Variants in DCUN1D5 observed in about 807,000 individuals in gnomAD.
The protein encoded by DCUN1D5 is DCN1-like protein 5.
In DCUN1D5, 10 loss-of-function variants were observed where a neutral mutation model predicts 38.3. The ratio of observed to expected loss-of-function variants is 0.26; its 90% confidence interval spans 0.16 to 0.44. The LOEUF (loss-of-function observed/expected upper bound fraction) is 0.44. Among genes scored for constraint, DCUN1D5 ranks in the 20% least tolerant of loss-of-function variants. The probability of loss-of-function intolerance (pLI) is 1.00; values close to 1 mark genes in which losing one functional copy is unlikely to be tolerated. For synonymous variants in DCUN1D5, 93 were observed against 90.9 expected, an observed-to-expected ratio of 1.02 and a Z score of -0.13; for missense variants, 148 against 275.3, an observed-to-expected ratio of 0.54 and a Z score of 3.27.
Position 103,050,786 on chromosome 11 carries a change from A to G in DCUN1D5, c.*11573T>C, listed in dbSNP as rs1861706771. 1.3e-5 allele frequency: 2 copies of G among 152,240 alleles called. No individual in the cohort carries two copies. The highest frequency in any genetic ancestry group is 2.9e-5 in the Non-Finnish European group (2 of 68,048). 9.4% of individuals were successfully genotyped at this position (152,240 alleles called of 1,614,324 possible). ...GGATAGTTCTGAGTACTGGTGAAAT[A>G]AAAGCAAAAACACACAGTCCCTGCT... On this transcript the variant is annotated 3_prime_UTR_variant, in exon 8 of 8. Transcript: ENST00000260247.
Position 103,071,929 on chromosome 11 carries a change from GC to G in DCUN1D5, c.342-5363del, listed in dbSNP as rs1307971247. On this transcript the variant is annotated intron_variant, in intron 4 of 7. Coordinates refer to ENST00000260247, the MANE Select transcript of DCUN1D5 (RefSeq NM_032299.4). This position sits in a 1 kb window ranked among gnomAD's most constrained non-coding sequence, Gnocchi z 4.1. Reference sequence around the variant, plus strand: ...AAAAAAGAAAAATTTATTTAATAAAGCCAGTATTACTTGATACCAAAACCAG... The same window carrying G: ...AAAAAAGAAAAATTTATTTAATAAAGCAGTATTACTTGATACCAAAACCAG... Among the ~76,000 whole-genome samples, 7 of 150,604 alleles carry G rather than the reference GC, an allele frequency of 4.6e-5. No homozygotes were observed. The highest frequency in any genetic ancestry group is 1.0e-4 in the Non-Finnish European group (7 of 67,668).
chr11:103,090,480 A>C (rs1389116852), intron 1 of DCUN1D5, among the ~76,000 whole-genome samples: 2 of 152,214 alleles, frequency 1.3e-5, no homozygotes, highest in Non-Finnish European at 2.9e-5. Context: ...GTTTAAGCAG[A>C]TCTCTCTTTA....
rs943529243 is a variant in DCUN1D5 at position 103,052,271 on chromosome 11, T to C, written c.*10088A>G. The C allele has an allele frequency of 1.3e-5, 2 of 152,186 alleles. No individual in the cohort carries two copies. Among genetic ancestry groups the C allele is most frequent in the Non-Finnish European group, 2.9e-5 (2 of 68,028 alleles). The allele number at this position is 152,186 out of a possible 1,614,324, so 9.4% of individuals were successfully genotyped here. A position where few individuals can be genotyped will look rare whatever the true frequency, so the allele number is the denominator to read the frequency against. ...TGGATATGTAAACGTTTTACAGACATATGTGTACAATTGGTCATTCATTCA... is the reference window on the plus strand; with the variant it reads ...TGGATATGTAAACGTTTTACAGACACATGTGTACAATTGGTCATTCATTCA... On this transcript the variant is annotated 3_prime_UTR_variant, in exon 8 of 8. Coordinates refer to ENST00000260247, the MANE Select transcript of DCUN1D5 (RefSeq NM_032299.4).
Position 103,064,388 on chromosome 11 carries a change from G to A in DCUN1D5, c.556-11C>T. On this transcript the variant is annotated splice_polypyrimidine_tract_variant and intron_variant, in intron 6 of 7. Coordinates refer to ENST00000260247, the MANE Select transcript of DCUN1D5 (RefSeq NM_032299.4). The surrounding 1 kb of genome is among the most constrained non-coding windows in gnomAD (Gnocchi z 4.5). ...ACGATACTTTGATTGCTGCAAAAAT[G>A]ATTTAAATATTTGTATTTAAATATT... 4 of 1,561,012 alleles carry A rather than the reference G, an allele frequency of 2.6e-6. No homozygotes were observed. In the South Asian group the frequency reaches 4.8e-5, roughly 19 times the overall value.
At chr11:103,081,087 G>C (rs777725740) in intron 4 of DCUN1D5, among the ~76,000 whole-genome samples, 8 of 151,334 alleles carry the variant, frequency 5.3e-5, no homozygotes, top group South Asian at 2.1e-4. Context: ...TTATTCAGAA[G>C]TATATATTAG....
At chr11:103,070,686 A>G (rs1163792938) in intron 4 of DCUN1D5, among the ~76,000 whole-genome samples, 1 of 152,204 alleles carries the variant, frequency 6.6e-6, no homozygotes, top group East Asian at 1.9e-4. Context: ...ATAGAATTCA[A>G]CGAACACAGA....
intron 4 of DCUN1D5, among the ~76,000 whole-genome samples, chr11:103,067,950 A>C (rs1862174559): frequency 6.6e-6 from 1 of 152,154 alleles, no homozygotes; most frequent in Non-Finnish European, 1.5e-5. Context: ...CCCTGGAATT[A>C]GCATCTGTCC....
At chr11:103,089,944 T>C (rs930599548) in intron 1 of DCUN1D5, among the ~76,000 whole-genome samples, 2 of 151,152 alleles carry the variant, frequency 1.3e-5, no homozygotes, top group African/African-American at 4.9e-5. Flanking sequence ...ATTTCATTTT[T>C]TTCATAAAAT....
intron 4 of DCUN1D5, among the ~76,000 whole-genome samples, chr11:103,074,837 G>T (rs1030072313): frequency 2.0e-5 from 3 of 152,168 alleles, no homozygotes; most frequent in African/African-American, 4.8e-5. Flanking sequence ...ATCTTAAAGG[G>T]TCTGATTCTC....
At chr11:103,089,689 T>G (rs1316828436) in intron 1 of DCUN1D5, among the ~76,000 whole-genome samples, 1 of 152,150 alleles carries the variant, frequency 6.6e-6, no homozygotes, top group Non-Finnish European at 1.5e-5. Flanking sequence ...AGATAAATAT[T>G]TGAAAACAAA....
At chr11:103,088,003 G>A (rs973031280) in intron 2 of DCUN1D5, among the ~76,000 whole-genome samples, 2 of 152,020 alleles carry the variant, frequency 1.3e-5, no homozygotes, top group East Asian at 3.9e-4. Flanking sequence ...ATTTAAATTG[G>A]GTTAGTGGTT....
chr11:103,055,122 A>C lies in DCUN1D5; in HGVS notation c.*7237T>G, dbSNP rs1861842138. 1 of 152,132 alleles carries C rather than the reference A, an allele frequency of 6.6e-6. No individual in the cohort carries two copies. The allele number at this position is 152,132 out of a possible 1,614,324, so 9.4% of individuals were successfully genotyped here. ...ACTTTTTACACATAGCCTGCAGCTA[A>C]TTTTATTTTTCTCTTGGGAACAGAG... is the stretch of plus-strand genomic sequence containing the variant. On this transcript the variant is annotated 3_prime_UTR_variant, in exon 8 of 8. Coordinates refer to ENST00000260247, the MANE Select transcript of DCUN1D5 (RefSeq NM_032299.4).
At position 103,066,062 on chromosome 11, in the gene DCUN1D5, G is replaced by A. The variant is rs1015794827; in HGVS notation, c.555+207C>T. ...TTTCTTTTATTTGGGGGACTGGGGG[G>A]GTAGGATTGAAAATATCTTAGGTAC... On this transcript the variant is annotated intron_variant, in intron 6 of 7. Coordinates refer to ENST00000260247, the MANE Select transcript of DCUN1D5 (RefSeq NM_032299.4). This position sits in a 1 kb window ranked among gnomAD's most constrained non-coding sequence, Gnocchi z 4.7. Among the ~76,000 whole-genome samples the A allele has an allele frequency of 6.6e-6, 1 of 150,712 alleles. No homozygotes were observed. Among genetic ancestry groups the A allele is most frequent in the Admixed American group, 6.6e-5 (1 of 15,130 alleles).
chr11:103,059,735 T>C lies in DCUN1D5; in HGVS notation c.*2624A>G, dbSNP rs894973590. 3.3e-5 allele frequency among the ~76,000 whole-genome samples: 3 copies of C among 90,220 alleles called. No homozygotes were observed. Among genetic ancestry groups the C allele is most frequent in the East Asian group, 3.6e-4 (1 of 2,758 alleles). 59.2% of individuals were successfully genotyped at this position (90,220 alleles called of 152,430 possible). ...TAACATCATACCTTATTAAGAATTA[T>C]TGGCCCCGAGGAGTGGGGGGGTGGG... On this transcript the variant is annotated 3_prime_UTR_variant, in exon 8 of 8. Transcript: ENST00000260247.
At chr11:103,080,390 T>G (rs1862528285) in intron 4 of DCUN1D5, among the ~76,000 whole-genome samples, 2 of 152,202 alleles carry the variant, frequency 1.3e-5, no homozygotes, top group South Asian at 4.1e-4. Context: ...CTTCCTTGGT[T>G]TAAATTTCAA....
intron 4 of DCUN1D5, among the ~76,000 whole-genome samples, chr11:103,080,520 A>G (rs1279761615): frequency 6.6e-6 from 1 of 151,994 alleles, no homozygotes; most frequent in East Asian, 1.9e-4. Context: ...AAAAAAATCA[A>G]CGATTTTCCA....
At chr11:103,089,169 A>G (rs1169857817) in intron 2 of DCUN1D5, 58 bp downstream of exon 2, 1 of 1,523,466 alleles carries the variant, frequency 6.6e-7, no homozygotes, top group African/African-American at 1.4e-5. Flanking sequence ...TTAAATGAAT[A>G]AGGCAAATAA....
chr11:103,087,830 T>C lies in DCUN1D5; in HGVS notation c.178+1397A>G, dbSNP rs1327153985. Among the ~76,000 whole-genome samples, 1 of 152,224 alleles carries C rather than the reference T, an allele frequency of 6.6e-6. No individual in the cohort carries two copies. Among genetic ancestry groups the C allele is most frequent in the Admixed American group, 6.5e-5 (1 of 15,282 alleles). Reference sequence around the variant, plus strand: ...ATCTTACACTACCTAGGAAAGTTCCTAGTTGAGGCAAATATTTTCTATTTC... The same window carrying C: ...ATCTTACACTACCTAGGAAAGTTCCCAGTTGAGGCAAATATTTTCTATTTC... On this transcript the variant is annotated intron_variant, in intron 2 of 7. Coordinates refer to ENST00000260247, the MANE Select transcript of DCUN1D5 (RefSeq NM_032299.4). This position sits in a 1 kb window ranked among gnomAD's most constrained non-coding sequence, Gnocchi z 4.1.
rs1862106190 is a variant in DCUN1D5, at chr11:103,065,252, A to G, written c.556-875T>C. Among the ~76,000 whole-genome samples the G allele has an allele frequency of 6.6e-6, 1 of 151,984 alleles. No homozygotes were observed. Among genetic ancestry groups the G allele is most frequent in the African/African-American group, 2.4e-5 (1 of 41,366 alleles). On this transcript the variant is annotated intron_variant, in intron 6 of 7. Coordinates refer to ENST00000260247, the MANE Select transcript of DCUN1D5 (RefSeq NM_032299.4). The surrounding 1 kb of genome is among the most constrained non-coding windows in gnomAD (Gnocchi z 4.6). The stretch of plus-strand genomic sequence containing the variant: ...CTGCAACCTCCACCTCCCTGGTTCA[A>G]GCAATTCTCGTGCCTCAGCCTCCCG...
Sources: gnomAD v4.1 joint callset for allele counts (sites outside exome capture counted in the v4.1 genomes callset) on GRCh38, gnomAD v4.1.1 for gene constraint, Gnocchi (gnomAD v3.1) non-coding constraint, MANE v1.5 for transcripts, NCBI Gene and HGNC (gene_info 2026-07-23, HGNC 2026-07-21) for gene names.